FBXO11: variants seen among roughly 807,000 people sequenced by gnomAD.
The protein encoded by FBXO11 is F-box only protein 11.
A neutral mutation model predicts 117.0 loss-of-function variants in FBXO11; 13 were observed. The observed-to-expected ratio is 0.11, with a 90% CI of 0.07 to 0.18. The LOEUF (loss-of-function observed/expected upper bound fraction) is 0.18. FBXO11 is among the 10% of genes least tolerant of loss of function. The pLI is 1.00. For synonymous variants in FBXO11, 490 were observed against 380.5 expected (o/e 1.29, Z -3.35); for missense variants, 767 against 1,164.4 (o/e 0.66, Z 4.97).
intron 1 of FBXO11, among the ~76,000 whole-genome samples, chr2:47,852,347 A>G (rs75561141): frequency 0.087 from 13,302 of 152,186 alleles, 659 homozygotes; most frequent in Non-Finnish European, 0.11. Flanking sequence ...AAAAGGATGG[A>G]GAGGGGGCTC....
intron 1 of FBXO11, among the ~76,000 whole-genome samples, chr2:47,884,872 C>T (rs1204918748): frequency 6.6e-6 from 1 of 150,512 alleles, no homozygotes; most frequent in Non-Finnish European, 1.5e-5. Context: ...CAGAAGTTTA[C>T]TGTAAAACAG....
At chr2:47,819,503 C>A (rs780003045) in intron 14 of FBXO11, among the ~76,000 whole-genome samples, 1 of 152,132 alleles carries the variant, frequency 6.6e-6, no homozygotes, top group African/African-American at 2.4e-5. Context: ...TGTGAGCCAC[C>A]GCGCCCGGCC....
chr2:47,880,506 C>G (rs1264019010), intron 1 of FBXO11, among the ~76,000 whole-genome samples: 1 of 152,052 alleles, frequency 6.6e-6, no homozygotes, highest in East Asian at 1.9e-4. Context: ...TCAGAATGTC[C>G]AGTGTTTTAA....
intron 1 of FBXO11, among the ~76,000 whole-genome samples, chr2:47,889,633 G>GT (rs35254589): frequency 2.0e-4 from 29 of 148,404 alleles, no homozygotes; most frequent in East Asian, 9.9e-4. Context: ...AAGTGAGAGG[G>GT]TTTTTTTTTT....
intron 7 of FBXO11, among the ~76,000 whole-genome samples, chr2:47,833,743 T>C (rs916235173): frequency 6.6e-6 from 1 of 152,282 alleles, no homozygotes; most frequent in African/African-American, 2.4e-5. Context: ...AACATAGCAA[T>C]AGAAATATTA....
rs1412596456 is a variant in FBXO11 at position 47,818,034 on chromosome 2, C to T, written c.2006+745G>A. Among the ~76,000 whole-genome samples, 6 of 152,152 alleles carry T rather than the reference C, an allele frequency of 3.9e-5. No individual in the cohort carries two copies. The East Asian group carries it at 1.2e-3, about 29-fold the overall frequency. ...TGGTGGCACAAGCCTGTAATCCCAG[C>T]TACTTGGGAGGCTGAGGTTGCGGTG... On this transcript the variant is annotated intron_variant, in intron 16 of 22. Coordinates refer to ENST00000403359, the MANE Select transcript of FBXO11 (RefSeq NM_001190274.2).
intron 1 of FBXO11, among the ~76,000 whole-genome samples, chr2:47,849,144 T>C (rs567094030): frequency 6.8e-6 from 1 of 147,336 alleles, no homozygotes; most frequent in African/African-American, 2.5e-5. Flanking sequence ...ACCACAGCTT[T>C]TCTCTAACTG....
At chr2:47,873,124 G>GA (rs1467035387) in intron 1 of FBXO11, among the ~76,000 whole-genome samples, 1 of 152,182 alleles carries the variant, frequency 6.6e-6, no homozygotes, top group Non-Finnish European at 1.5e-5. Flanking sequence ...GGTTTTCCCA[G>GA]AAAGTACTCT....
chr2:47,855,970 G>A (rs1674263057), intron 1 of FBXO11, among the ~76,000 whole-genome samples: 1 of 152,198 alleles, frequency 6.6e-6, no homozygotes, highest in Non-Finnish European at 1.5e-5. Context: ...CAAAAGCCAG[G>A]CATGGGGGTG....
chr2:47,866,245 C>CAA (rs57654823), intron 1 of FBXO11, among the ~76,000 whole-genome samples: 174 of 58,186 alleles, frequency 3.0e-3, no homozygotes, highest in East Asian at 9.8e-3. Flanking sequence ...CCTTCTGCTT[C>CAA]AAAAAAAAAA....
chr2:47,851,626 A>G (rs1673867161), intron 1 of FBXO11, among the ~76,000 whole-genome samples: 1 of 152,206 alleles, frequency 6.6e-6, no homozygotes, highest in Non-Finnish European at 1.5e-5. Flanking sequence ...AAATAAAGCA[A>G]TATAGTAAGT....
chr2:47,896,749 G>A (rs539776250), intron 1 of FBXO11, among the ~76,000 whole-genome samples: 1 of 152,182 alleles, frequency 6.6e-6, no homozygotes. Flanking sequence ...GAAGACATCA[G>A]TCATTCATAT....
intron 13 of FBXO11, among the ~76,000 whole-genome samples, chr2:47,820,962 G>T (rs1343520153): frequency 1.3e-5 from 2 of 152,178 alleles, no homozygotes; most frequent in Non-Finnish European, 2.9e-5. Context: ...CTGATTGTTT[G>T]CTGATTTAAT....
At chr2:47,884,329 T>C (rs1676656018) in intron 1 of FBXO11, among the ~76,000 whole-genome samples, 1 of 152,214 alleles carries the variant, frequency 6.6e-6, no homozygotes, top group South Asian at 2.1e-4. Flanking sequence ...CTGAATATAA[T>C]CAGGTACTTC....
rs771517451 is a variant in FBXO11 at position 47,832,563 on chromosome 2, A to T, written c.1260+9T>A. ...AAAAAGAAAAAAACCACACAAAATT[A>T]AAAAATACCTGTGCATGATCTGTTA... On this transcript the variant is annotated intron_variant, in intron 10 of 22. Transcript: ENST00000403359. 10 of 1,607,192 alleles carry T rather than the reference A, an allele frequency of 6.2e-6. No individual in the cohort carries two copies. In the African/African-American group the frequency reaches 9.4e-5, roughly 15 times the overall value.
At chr2:47,891,584 G>T (rs1217634969) in intron 1 of FBXO11, among the ~76,000 whole-genome samples, 1 of 152,152 alleles carries the variant, frequency 6.6e-6, no homozygotes, top group East Asian at 1.9e-4. Flanking sequence ...ATAAACATGG[G>T]AGTGCTAGTA....
chr2:47,874,939 G>A (rs563701377), intron 1 of FBXO11, among the ~76,000 whole-genome samples: 1 of 145,824 alleles, frequency 6.9e-6, no homozygotes, highest in African/African-American at 2.6e-5. Context: ...CCTGTTGAAT[G>A]ACTAACTGGA....
intron 1 of FBXO11, among the ~76,000 whole-genome samples, chr2:47,859,489 T>G (rs183543303): frequency 5.3e-5 from 8 of 152,298 alleles, no homozygotes. Context: ...TGGCAAAGAT[T>G]TAAAAGTAAC....
intron 1 of FBXO11, among the ~76,000 whole-genome samples, chr2:47,866,870 T>A (rs1023133142): frequency 6.6e-6 from 1 of 152,214 alleles, no homozygotes; most frequent in South Asian, 2.1e-4. Context: ...GGATTCTCCA[T>A]GATGAGCCTT....
Sources: allele counts gnomAD v4.1 joint callset (sites outside exome capture counted in the v4.1 genomes callset), GRCh38; gene constraint gnomAD v4.1.1; transcripts MANE v1.5; gene names NCBI Gene and HGNC (gene_info 2026-07-23, HGNC 2026-07-21).